KAT6B: variants seen among roughly 807,000 people sequenced by gnomAD.
The protein encoded by KAT6B is lysine acetyltransferase 6B, also known as histone acetyltransferase KAT6B.
In KAT6B, 10 loss-of-function variants were observed where a neutral mutation model predicts 187.5. That is an observed-to-expected ratio of 0.05 (90% confidence interval 0.03 to 0.09). The LOEUF is 0.09. Ranked by LOEUF, KAT6B falls within the 10% of genes least tolerant of loss-of-function variation. The pLI is 1.00. For missense variants in KAT6B, 1,952 were observed against 2,558.9 expected (o/e 0.76, Z 5.12); for synonymous variants, 861 against 926.8 (o/e 0.93, Z 1.29).
chr10:75,028,753 A>T lies in KAT6B; in HGVS notation c.3929A>T (p.Glu1310Val), dbSNP rs1435569023. Residue 1310 changes from glutamate to valine, a missense_variant, in exon 18 of 18, where the codon GAG becomes GTG. Coordinates refer to ENST00000287239, the MANE Select transcript of KAT6B (RefSeq NM_012330.4). The part of the protein sequence containing the change: ...TSPSPIRIEE[E>V]VKETGEALLP... ...CCCAGTCCCATCAGGATTGAGGAGG[A>T]GGTCAAGGAAACTGGGGAAGCCCTG... is the stretch of plus-strand genomic sequence containing the variant. 2.5e-6 allele frequency: 4 copies of T among 1,614,000 alleles called. No homozygotes were observed. Among genetic ancestry groups the T allele is most frequent in the African/African-American group, 2.7e-5 (2 of 74,926 alleles).
intron 3 of KAT6B, among the ~76,000 whole-genome samples, chr10:74,921,550 G>C (rs931990197): frequency 6.6e-6 from 1 of 152,126 alleles, no homozygotes; most frequent in Admixed American, 6.5e-5. Flanking sequence ...GGGGGTTGTA[G>C]CTATACCTTT....
Position 74,977,502 on chromosome 10 carries a change from A to C in KAT6B, c.2115+65A>C, listed in dbSNP as rs868662333. ...TGTGGCTTCTAACTATTAATATGGA[A>C]TTACTGTGTTGATTTTATAGAGAAT... On this transcript the variant is annotated intron_variant, in intron 9 of 17. Coordinates refer to ENST00000287239, the MANE Select transcript of KAT6B (RefSeq NM_012330.4). 9 of 1,572,584 alleles carry C rather than the reference A, an allele frequency of 5.7e-6. No homozygotes were observed. The African/African-American group carries it at 1.2e-4, about 21-fold the overall frequency.
At chr10:74,993,192 G>A (rs1160267098) in intron 13 of KAT6B, among the ~76,000 whole-genome samples, 1 of 152,192 alleles carries the variant, frequency 6.6e-6, no homozygotes, top group African/African-American at 2.4e-5. Flanking sequence ...GGGGCCCAGA[G>A]TGCTCCCTCC....
At chr10:74,921,761 T>C (rs941109109) in intron 3 of KAT6B, among the ~76,000 whole-genome samples, 2 of 152,222 alleles carry the variant, frequency 1.3e-5, no homozygotes, top group African/African-American at 2.4e-5. Context: ...CTTGAACTAT[T>C]GGTTGTCAGA....
chr10:74,974,350 A>C (rs1842027841), intron 7 of KAT6B, among the ~76,000 whole-genome samples: 1 of 152,188 alleles, frequency 6.6e-6, no homozygotes, highest in Non-Finnish European at 1.5e-5. Context: ...ATTACTTAAG[A>C]TATTTTTATA....
rs1285061149 is a variant in KAT6B at position 74,972,465 on chromosome 10, A to G, written c.929-42A>G. Reference sequence around the variant, plus strand: ...CTTATATTTAATATCTTCTCTTAAAATGAAACATTAAAATATTTTTCTCAT... The same window carrying G: ...CTTATATTTAATATCTTCTCTTAAAGTGAAACATTAAAATATTTTTCTCAT... On this transcript the variant is annotated intron_variant, in intron 6 of 17. Transcript: ENST00000287239. 4.3e-6 allele frequency: 6 copies of G among 1,390,842 alleles called. No individual in the cohort carries two copies. In the African/African-American group the frequency reaches 8.8e-5, roughly 20 times the overall value. 86.2% of individuals were successfully genotyped at this position (1,390,842 alleles called of 1,614,324 possible).
Position 74,988,650 on chromosome 10 carries a change from CT to C in KAT6B, c.2536-367del, listed in dbSNP as rs528371364. Among the ~76,000 whole-genome samples, 590 of 152,330 alleles carry C rather than the reference CT, an allele frequency of 3.9e-3. 7 individuals are homozygous for C. Among genetic ancestry groups the C allele is most frequent in the African/African-American group, 0.014 (562 of 41,564 alleles). The stretch of plus-strand genomic sequence containing the variant: ...AGCAAGATAGCCAGCTAAATCCTAA[CT>C]TACTCCACTGGGTGACTCCCTGGGA... On this transcript the variant is annotated intron_variant, in intron 12 of 17. Coordinates refer to ENST00000287239, the MANE Select transcript of KAT6B (RefSeq NM_012330.4).
At chr10:74,835,321 C>T (rs1042340216) in intron 1 of KAT6B, among the ~76,000 whole-genome samples, 6 of 152,206 alleles carry the variant, frequency 3.9e-5, no homozygotes, top group Admixed American at 2.6e-4. Flanking sequence ...CCATCCTCCA[C>T]GTGGTTTCAG....
At chr10:74,946,900 A>T (rs979374726) in intron 3 of KAT6B, among the ~76,000 whole-genome samples, 1 of 152,208 alleles carries the variant, frequency 6.6e-6, no homozygotes, top group East Asian at 1.9e-4. Flanking sequence ...AACAACGGGA[A>T]TGTAGTCAGT....
intron 3 of KAT6B, among the ~76,000 whole-genome samples, chr10:74,870,532 C>G (rs752999132): frequency 3.9e-5 from 6 of 152,146 alleles, no homozygotes; most frequent in Non-Finnish European, 4.4e-5. Context: ...TGCATTTGAT[C>G]TTTTCATTTT....
intron 7 of KAT6B, among the ~76,000 whole-genome samples, chr10:74,973,998 A>T (rs2133703145): frequency 6.6e-6 from 1 of 152,352 alleles, no homozygotes; most frequent in South Asian, 2.1e-4. Flanking sequence ...AGGAATTTTT[A>T]AGACAGTCTA....
intron 6 of KAT6B, among the ~76,000 whole-genome samples, chr10:74,972,211 G>C (rs1328136802): frequency 2.0e-5 from 3 of 151,990 alleles, no homozygotes; most frequent in African/African-American, 7.3e-5. Context: ...ATATCTGACA[G>C]GGGCGAGTTT....
At chr10:74,936,296 G>A (rs573929228) in intron 3 of KAT6B, among the ~76,000 whole-genome samples, 18 of 151,838 alleles carry the variant, frequency 1.2e-4, no homozygotes, top group African/African-American at 2.4e-4. Flanking sequence ...CCAGCTACTC[G>A]GGAGGCTGAG....
intron 3 of KAT6B, among the ~76,000 whole-genome samples, chr10:74,873,739 G>A (rs1349387901): frequency 6.6e-6 from 1 of 152,160 alleles, no homozygotes; most frequent in Non-Finnish European, 1.5e-5. Context: ...GGTGCACCCT[G>A]ATGGTTGCAG....
chr10:75,002,564 T>C (rs1843918860), intron 13 of KAT6B, among the ~76,000 whole-genome samples: 1 of 151,886 alleles, frequency 6.6e-6, no homozygotes, highest in Non-Finnish European at 1.5e-5. Flanking sequence ...TAAGTCGAAG[T>C]CTATAGGTTA....
In KAT6B at chr10:74,904,085, C is replaced by T. The variant is rs142286782; in HGVS notation, c.622-55885C>T. On this transcript the variant is annotated intron_variant, in intron 3 of 17. Coordinates refer to ENST00000287239, the MANE Select transcript of KAT6B (RefSeq NM_012330.4). Reference sequence around the variant, plus strand: ...TAGATGAGCACAGTTTCCATGGCATCAAACACCTGTCTCACAACAAGGATG... The same window carrying T: ...TAGATGAGCACAGTTTCCATGGCATTAAACACCTGTCTCACAACAAGGATG... Among the ~76,000 whole-genome samples, 5 of 152,278 alleles carry T rather than the reference C, an allele frequency of 3.3e-5. No homozygotes were observed. In the East Asian group the frequency reaches 9.7e-4, roughly 29 times the overall value.
intron 3 of KAT6B, among the ~76,000 whole-genome samples, chr10:74,880,522 C>T (rs1844768392): frequency 6.6e-6 from 1 of 152,172 alleles, no homozygotes; most frequent in Non-Finnish European, 1.5e-5. Flanking sequence ...AGTAGTAGTA[C>T]TATGAACATT....
At chr10:74,888,449 C>T (rs1564544152) in intron 3 of KAT6B, among the ~76,000 whole-genome samples, 1 of 151,968 alleles carries the variant, frequency 6.6e-6, no homozygotes, top group East Asian at 1.9e-4. Flanking sequence ...AAGGCATTGA[C>T]AGAAAGGGAA....
intron 3 of KAT6B, among the ~76,000 whole-genome samples, chr10:74,959,256 G>A (rs185386935): frequency 6.7e-4 from 102 of 152,090 alleles, no homozygotes; most frequent in African/African-American, 1.2e-3. Flanking sequence ...ATATTTAGTA[G>A]GTGAATAATA....
Sources: gnomAD v4.1 joint callset for allele counts (sites outside exome capture counted in the v4.1 genomes callset) on GRCh38, gnomAD v4.1.1 for gene constraint, MANE v1.5 for transcripts, NCBI Gene and HGNC (gene_info 2026-07-23, HGNC 2026-07-21) for gene names.